Variants in DNAJC17 observed in about 807,000 individuals in gnomAD.
DNAJC17 encodes the protein dnaJ homolog subfamily C member 17.
A neutral mutation model predicts 48.1 loss-of-function variants in DNAJC17; 35 were observed. The ratio of observed to expected loss-of-function variants is 0.73; its 90% CI spans 0.56 to 0.96. The LOEUF is 0.96. DNAJC17 is among the 50% of genes least tolerant of loss of function. The probability of loss-of-function intolerance (pLI) is 0.00; values close to 1 mark genes in which losing one functional copy is unlikely to be tolerated. For synonymous variants in DNAJC17, 117 were observed against 142.7 expected (o/e 0.82, Z 1.28); for missense variants, 355 against 377.1 (o/e 0.94, Z 0.48).
intron 10 of DNAJC17, among the ~76,000 whole-genome samples, chr15:40,772,768 C>T (rs1484893279): frequency 1.3e-5 from 2 of 152,206 alleles, no homozygotes; most frequent in Non-Finnish European, 2.9e-5. Flanking sequence ...GCAATCTGTT[C>T]CACCAAGGTG....
At chr15:40,777,281 CTTTT>C (rs1162001252) in intron 4 of DNAJC17, among the ~76,000 whole-genome samples, 3 of 131,582 alleles carry the variant, frequency 2.3e-5, no homozygotes, top group Admixed American at 7.6e-5. Flanking sequence ...CTCTCTCTCT[CTTTT>C]TTTTTTTTTT....
Position 40,767,950 on chromosome 15 carries a change from G to C in DNAJC17, c.905C>G (p.Pro302Arg), listed in dbSNP as rs1434492247. Residue 302 changes from proline to arginine, a missense_variant, in exon 11 of 11, where the codon CCG becomes CGG. Physicochemically the swap from Pro to Arg is moderately radical, Grantham distance 103. Around this residue, in one of 3 missense-constraint regions of DNAJC17, gnomAD observed 88 missense variants for 67.7 expected, o/e 1.30. Coordinates refer to ENST00000220496, the MANE Select transcript of DNAJC17 (RefSeq NM_018163.3). ...ARMQQEDQEG[P>R]PT ...TGGCTGGAGCTGGGGCTACGTAGGC[G>C]GCCCCTCCTGGTCTTCCTGCTGCAT... is the stretch of plus-strand genomic sequence containing the variant. 1.2e-6 allele frequency: 2 copies of C among 1,612,866 alleles called. No homozygotes were observed. The highest frequency in any genetic ancestry group is 2.2e-5 in the South Asian group (2 of 91,004).
Position 40,770,808 on chromosome 15 carries a change from G to T in DNAJC17, c.793-2746C>A. 6.5e-7 allele frequency: 1 copy of T among 1,550,154 alleles called. No homozygotes were observed. Reference sequence around the variant, plus strand: ...GGAGCCCCCACCTGCCTACACAGCAGCCTACTCTGCCACCCTGCCATCGGC... The same window carrying T: ...GGAGCCCCCACCTGCCTACACAGCATCCTACTCTGCCACCCTGCCATCGGC... On this transcript the variant is annotated intron_variant, in intron 10 of 10. Coordinates refer to ENST00000220496, the MANE Select transcript of DNAJC17 (RefSeq NM_018163.3). This position sits in a 1 kb window ranked among gnomAD's most constrained non-coding sequence, Gnocchi z 5.0.
intron 1 of DNAJC17, among the ~76,000 whole-genome samples, chr15:40,802,512 C>T (rs182389506): frequency 2.0e-5 from 3 of 152,222 alleles, no homozygotes; most frequent in Non-Finnish European, 4.4e-5. Context: ...GAAACATCCA[C>T]ATGGAGGGAT....
At chr15:40,777,611 G>A (rs917544459) in intron 4 of DNAJC17, among the ~76,000 whole-genome samples, 2 of 151,894 alleles carry the variant, frequency 1.3e-5, no homozygotes, top group South Asian at 4.2e-4. Flanking sequence ...CCAGCTACTC[G>A]GGAGGCTGAG....
intron 10 of DNAJC17, among the ~76,000 whole-genome samples, chr15:40,768,324 G>A (rs907159907): frequency 3.3e-5 from 5 of 152,194 alleles, no homozygotes; most frequent in African/African-American, 7.2e-5. Flanking sequence ...CGGTCCATCT[G>A]TTTCTCAGGA....
chr15:40,786,766 C>G (rs1290226528), intron 1 of DNAJC17, among the ~76,000 whole-genome samples: 1 of 152,154 alleles, frequency 6.6e-6, no homozygotes, highest in Non-Finnish European at 1.5e-5. Context: ...TAAGGCCCAG[C>G]CTCAGAAGGA....
intron 1 of DNAJC17, among the ~76,000 whole-genome samples, chr15:40,805,639 G>A (rs1280743376): frequency 6.6e-6 from 1 of 151,102 alleles, no homozygotes; most frequent in Non-Finnish European, 1.5e-5. Context: ...TCAGGAGATC[G>A]AGACCACGGT....
chr15:40,807,394 A>G lies in DNAJC17; in HGVS notation c.53T>C (p.Ile18Thr). The G allele has an allele frequency of 6.2e-7, 1 of 1,614,188 alleles. No homozygotes were observed. The highest frequency in any genetic ancestry group is 8.5e-7 in the Non-Finnish European group (1 of 1,180,036). Residue 18 changes from isoleucine to threonine, a missense_variant, in exon 1 of 11, where the codon ATT (isoleucine) becomes ACT (threonine). Ile to Thr is a moderately conservative substitution (Grantham distance 89). Around this residue, in one of 3 missense-constraint regions of DNAJC17, gnomAD observed 199 missense variants for 199.9 expected, o/e 1.00. Coordinates refer to ENST00000220496, the MANE Select transcript of DNAJC17 (RefSeq NM_018163.3). ...CTCTTTGTCCGCTGCCTTCTCCTCA[A>G]TGCCTAGCAGCGCGTACAGGTCCAT... is the stretch of plus-strand genomic sequence containing the variant. ...LQMDLYALLGIEEKAADKEVK... is the reference protein window; with the variant it reads ...LQMDLYALLGTEEKAADKEVK...
rs979151864 is a variant in DNAJC17, at chr15:40,779,662, G to A, written c.149-59C>T. The A allele has an allele frequency of 7.8e-6, 12 of 1,539,148 alleles. No individual in the cohort carries two copies. The Admixed American group carries it at 1.0e-4, about 13-fold the overall frequency. ...TAAAGTTAAGACTTCGTAATGGTGT[G>A]CTCCCTCAAAAAAAAAAAAAATCTT... On this transcript the variant is annotated intron_variant, in intron 2 of 10. Transcript: ENST00000220496.
chr15:40,774,945 G>T, intron 8 of DNAJC17, 86 bp downstream of exon 8: 1 of 1,398,782 alleles, frequency 7.1e-7, no homozygotes, highest in Non-Finnish European at 1.0e-6. Context: ...GTTAAGGGAA[G>T]TTCAGGCATT....
intron 1 of DNAJC17, among the ~76,000 whole-genome samples, chr15:40,803,574 T>C (rs994245501): frequency 2.6e-5 from 4 of 152,206 alleles, no homozygotes; most frequent in African/African-American, 9.7e-5. Context: ...TTTCTTGGAA[T>C]GCCCTGCCTC....
intron 1 of DNAJC17, among the ~76,000 whole-genome samples, chr15:40,785,333 TA>T (rs1889612395): frequency 6.6e-6 from 1 of 152,200 alleles, no homozygotes; most frequent in African/African-American, 2.4e-5. Flanking sequence ...TCCACAATTC[TA>T]AGCTAGGAGG....
chr15:40,790,932 C>T (rs1889781604), intron 1 of DNAJC17, among the ~76,000 whole-genome samples: 1 of 152,122 alleles, frequency 6.6e-6, no homozygotes, highest in Admixed American at 6.6e-5. Context: ...CTTGGAGATA[C>T]TGAGAGGACT....
At chr15:40,773,141 G>A (rs1401063040) in intron 10 of DNAJC17, among the ~76,000 whole-genome samples, 1 of 151,970 alleles carries the variant, frequency 6.6e-6, no homozygotes, top group African/African-American at 2.4e-5. Flanking sequence ...TTGTGTTTTT[G>A]TAGAGACGGG....
rs961130923 is a variant in DNAJC17 at position 40,771,256 on chromosome 15, G to C, written c.792+2471C>G. On this transcript the variant is annotated intron_variant, in intron 10 of 10. Transcript: ENST00000220496. ...GGGACAGAGGCAATCTGGAAATGTT[G>C]GGGGGGCGGCCCTTCCTGGCAGGAC... is the stretch of plus-strand genomic sequence containing the variant. The C allele has an allele frequency of 7.1e-6, 4 of 564,898 alleles. No individual in the cohort carries two copies. The African/African-American group carries it at 7.6e-5, about 11-fold the overall frequency. 35.0% of individuals were successfully genotyped at this position (564,898 alleles called of 1,614,324 possible).
In DNAJC17 at chr15:40,807,441, TGCCATGGTTCCG is replaced by T. The variant is rs1286036488; in HGVS notation, c.-7_5del. 6.2e-7 allele frequency: 1 copy of T among 1,614,134 alleles called. No homozygotes were observed. Among genetic ancestry groups the T allele is most frequent in the Non-Finnish European group, 8.5e-7 (1 of 1,180,046 alleles). On this transcript the variant is annotated start_lost and 5_prime_UTR_variant, in exon 1 of 11. Transcript: ENST00000220496. ...CCATCTGTAAGAGCTCCTTGGTCAC[TGCCATGGTTCCG>T]GCCTGACGGATTCGTACTACAACTC...
chr15:40,777,943 A>G (rs1889377337), intron 4 of DNAJC17, among the ~76,000 whole-genome samples: 2 of 152,174 alleles, frequency 1.3e-5, no homozygotes, highest in Non-Finnish European at 2.9e-5. Context: ...CAATAAAGCT[A>G]TTAGAGAAGA....
chr15:40,786,812 T>C (rs1315075550), intron 1 of DNAJC17, among the ~76,000 whole-genome samples: 8 of 152,220 alleles, frequency 5.3e-5, no homozygotes, highest in Admixed American at 5.2e-4. Context: ...CCGTGAGTAC[T>C]TCGAACTGCA....
Sources: gnomAD v4.1 joint callset for allele counts (sites outside exome capture counted in the v4.1 genomes callset) on GRCh38, gnomAD v4.1.1 for gene constraint, gnomAD v4.1.1 regional missense constraint, Gnocchi (gnomAD v3.1) non-coding constraint, MANE v1.5 for transcripts, NCBI Gene and HGNC (gene_info 2026-07-23, HGNC 2026-07-21) for gene names.